Variants in MB21D2 observed in about 807,000 individuals in gnomAD.
MB21D2 encodes Mab-21 domain containing 2.
Under a neutral mutation model 33.3 loss-of-function variants are expected in MB21D2, and 9 were observed. The ratio of observed to expected loss-of-function variants is 0.27; its 90% CI spans 0.16 to 0.47. MB21D2 has a LOEUF of 0.47. Ranked by LOEUF, MB21D2 falls within the 20% of genes least tolerant of loss-of-function variation. The pLI, the probability that MB21D2 is intolerant of heterozygous loss-of-function variation, is 0.99. For missense variants in MB21D2, 540 were observed against 624.6 expected (o/e 0.86, Z 1.44); for synonymous variants, 241 against 236.3 (o/e 1.02, Z -0.18).
intron 1 of MB21D2, among the ~76,000 whole-genome samples, chr3:192,889,049 G>C (rs1385464921): frequency 1.3e-5 from 2 of 152,058 alleles, no homozygotes; most frequent in Non-Finnish European, 2.9e-5. Flanking sequence ...AGCATGGAAA[G>C]AACCCACCCA....
At chr3:192,819,524 T>C (rs1711998458) in intron 1 of MB21D2, among the ~76,000 whole-genome samples, 1 of 152,200 alleles carries the variant, frequency 6.6e-6, no homozygotes, top group Non-Finnish European at 1.5e-5. Context: ...GGATCGGTTT[T>C]ACTTATTGGG....
chr3:192,848,070 G>A (rs1712711419), intron 1 of MB21D2, among the ~76,000 whole-genome samples: 1 of 152,128 alleles, frequency 6.6e-6, no homozygotes, highest in African/African-American at 2.4e-5. Context: ...CTTCCATCTG[G>A]TCACATACCC....
At chr3:192,841,905 TGTA>T (rs1248637053) in intron 1 of MB21D2, among the ~76,000 whole-genome samples, 1 of 152,190 alleles carries the variant, frequency 6.6e-6, no homozygotes, top group African/African-American at 2.4e-5. Context: ...TGTAATATGC[TGTA>T]GACATGAGTA....
chr3:192,843,272 G>C (rs1712611612), intron 1 of MB21D2, among the ~76,000 whole-genome samples: 2 of 152,168 alleles, frequency 1.3e-5, no homozygotes, highest in South Asian at 4.1e-4. Context: ...CCTGTCAGTG[G>C]AACTACAAAA....
chr3:192,880,456 T>C (rs1184162608), intron 1 of MB21D2, among the ~76,000 whole-genome samples: 1 of 152,050 alleles, frequency 6.6e-6, no homozygotes, highest in Non-Finnish European at 1.5e-5. Context: ...ACTATCCTTT[T>C]AAAGGAAGGA....
chr3:192,898,257 T>C (rs571694187), intron 1 of MB21D2, among the ~76,000 whole-genome samples: 59 of 150,978 alleles, frequency 3.9e-4, no homozygotes, highest in Admixed American at 1.2e-3. Flanking sequence ...GATCTCACTA[T>C]ATTGCCCAGG....
intron 1 of MB21D2, among the ~76,000 whole-genome samples, chr3:192,838,264 C>T (rs551092906): frequency 1.2e-4 from 19 of 152,226 alleles, no homozygotes; most frequent in African/African-American, 4.6e-4. Context: ...GGAAGTGATC[C>T]AAGAGAGAGC....
chr3:192,884,568 C>G (rs550659424), intron 1 of MB21D2, among the ~76,000 whole-genome samples: 2 of 151,766 alleles, frequency 1.3e-5, no homozygotes, highest in African/African-American at 2.4e-5. Flanking sequence ...GGGGTTTCAC[C>G]GTGTTAGCCA....
intron 1 of MB21D2, among the ~76,000 whole-genome samples, chr3:192,850,431 TCTCAA>T (rs1712774116): frequency 6.6e-6 from 1 of 152,154 alleles, no homozygotes; most frequent in Admixed American, 6.5e-5. Context: ...GGTTCGAGGC[TCTCAA>T]CTCTAGTACC....
intron 1 of MB21D2, among the ~76,000 whole-genome samples, chr3:192,831,627 T>C (rs1447310780): frequency 1.3e-5 from 2 of 152,192 alleles, no homozygotes; most frequent in African/African-American, 2.4e-5. Context: ...GGATATAAGA[T>C]GCACCGTTGC....
intron 1 of MB21D2, among the ~76,000 whole-genome samples, chr3:192,831,897 T>C (rs1028329888): frequency 6.6e-6 from 1 of 152,188 alleles, no homozygotes; most frequent in Non-Finnish European, 1.5e-5. Flanking sequence ...GGAAATGACA[T>C]TACAGTTATC....
rs1480519816 is a variant in MB21D2, at chr3:192,799,659, A to C, written c.212-9T>G. 1 of 1,606,148 alleles carries C rather than the reference A, an allele frequency of 6.2e-7. No individual in the cohort carries two copies. Among genetic ancestry groups the C allele is most frequent in the Admixed American group, 1.7e-5 (1 of 58,528 alleles). ...CAGCTTTTGCACCATTCCTGGAAAT[A>C]AAGAAGAAAAAAACAACACTATTAC... is the stretch of plus-strand genomic sequence containing the variant. On this transcript the variant is annotated splice_polypyrimidine_tract_variant and intron_variant, in intron 1 of 1. Coordinates refer to ENST00000392452, the MANE Select transcript of MB21D2 (RefSeq NM_178496.4). The surrounding 1 kb of genome is among the most constrained non-coding windows in gnomAD (Gnocchi z 4.1).
chr3:192,883,463 T>C (rs895534807), intron 1 of MB21D2, among the ~76,000 whole-genome samples: 1 of 152,132 alleles, frequency 6.6e-6, no homozygotes, highest in African/African-American at 2.4e-5. Context: ...AATGGTAGTG[T>C]GGAAGACAGC....
intron 1 of MB21D2, among the ~76,000 whole-genome samples, chr3:192,842,339 A>AT (rs1712592267): frequency 6.6e-6 from 1 of 152,252 alleles, no homozygotes; most frequent in Admixed American, 6.5e-5. Context: ...ATGTGTGCAT[A>AT]TTTAGTTCTG....
At chr3:192,816,217 T>TG (rs1243855442) in intron 1 of MB21D2, among the ~76,000 whole-genome samples, 30 of 115,592 alleles carry the variant, frequency 2.6e-4, no homozygotes, top group Middle Eastern at 3.8e-3. Flanking sequence ...GGACAATTTT[T>TG]TTTTTTAAAA....
chr3:192,816,722 A>G (rs1312377704), intron 1 of MB21D2, among the ~76,000 whole-genome samples: 1 of 152,166 alleles, frequency 6.6e-6, no homozygotes, highest in East Asian at 1.9e-4. Context: ...GACAGAAAAG[A>G]AGGATGCCAG....
At chr3:192,911,562 G>A (rs1371531045) in intron 1 of MB21D2, among the ~76,000 whole-genome samples, 8 of 152,098 alleles carry the variant, frequency 5.3e-5, no homozygotes, top group Non-Finnish European at 8.8e-5. Flanking sequence ...TAGGGAATTC[G>A]GATTCAATAG....
intron 1 of MB21D2, among the ~76,000 whole-genome samples, chr3:192,832,462 T>G (rs1013603133): frequency 6.6e-6 from 1 of 152,186 alleles, no homozygotes; most frequent in Admixed American, 6.5e-5. Flanking sequence ...TATTCAATGT[T>G]TATAATATTT....
At chr3:192,892,823 A>G (rs758657895) in intron 1 of MB21D2, among the ~76,000 whole-genome samples, 3 of 152,184 alleles carry the variant, frequency 2.0e-5, no homozygotes, top group African/African-American at 4.8e-5. Context: ...ACGTAGCTCT[A>G]TAATTACCCT....
Sources: gnomAD v4.1 joint callset for allele counts (sites outside exome capture counted in the v4.1 genomes callset) on GRCh38, gnomAD v4.1.1 for gene constraint, Gnocchi (gnomAD v3.1) non-coding constraint, MANE v1.5 for transcripts, NCBI Gene and HGNC (gene_info 2026-07-23, HGNC 2026-07-21) for gene names.